Variants in DLG2 observed in about 807,000 individuals in gnomAD.
The protein encoded by DLG2 is discs large MAGUK scaffold protein 2.
A neutral mutation model predicts 132.5 loss-of-function variants in DLG2; 45 were observed. The ratio of observed to expected loss-of-function variants is 0.34; its 90% CI spans 0.27 to 0.44. The LOEUF is 0.44. Ranked by LOEUF, DLG2 falls within the 20% of genes least tolerant of loss-of-function variation. The pLI, the probability that DLG2 is intolerant of heterozygous loss-of-function variation, is 1.00. For missense variants in DLG2, 1,045 were observed against 1,196.9 expected (o/e 0.87, Z 1.87); for synonymous variants, 424 against 419.6 (o/e 1.01, Z -0.13).
chr11:84,477,054 T>G (rs1485547205), intron 7 of DLG2, among the ~76,000 whole-genome samples: 2 of 152,142 alleles, frequency 1.3e-5, no homozygotes, highest in Non-Finnish European at 2.9e-5. Flanking sequence ...CACACTAAAA[T>G]CGTGCCTGAA....
intron 7 of DLG2, among the ~76,000 whole-genome samples, chr11:84,462,763 C>G (rs2099083861): frequency 6.6e-6 from 1 of 151,086 alleles, no homozygotes; most frequent in African/African-American, 2.4e-5. Context: ...AATAACATGT[C>G]TAACTTCAGT....
intron 6 of DLG2, among the ~76,000 whole-genome samples, chr11:84,938,968 G>A (rs1309620180): frequency 6.6e-6 from 1 of 152,062 alleles, no homozygotes; most frequent in Admixed American, 6.6e-5. Flanking sequence ...ATAGTTGGAT[G>A]GAAACTTTGT....
chr11:84,130,099 T>C (rs992908178), intron 9 of DLG2, among the ~76,000 whole-genome samples: 2 of 152,026 alleles, frequency 1.3e-5, no homozygotes, highest in African/African-American at 4.8e-5. Context: ...AGATAGCACA[T>C]AGTGAATTTA....
chr11:85,493,169 G>T (rs1342655781), intron 3 of DLG2, among the ~76,000 whole-genome samples: 1 of 152,142 alleles, frequency 6.6e-6, no homozygotes, highest in East Asian at 1.9e-4. Context: ...ACCCAGGAAG[G>T]TTTATATGGT....
At chr11:84,866,449 G>A (rs1320371817) in intron 6 of DLG2, among the ~76,000 whole-genome samples, 3 of 152,206 alleles carry the variant, frequency 2.0e-5, no homozygotes, top group Non-Finnish European at 4.4e-5. Context: ...CTGAGGGAAG[G>A]CAATGACTTG....
chr11:85,315,070 G>T (rs1487379100), intron 3 of DLG2, among the ~76,000 whole-genome samples: 2 of 151,996 alleles, frequency 1.3e-5, no homozygotes, highest in Non-Finnish European at 2.9e-5. Flanking sequence ...TTTGAGGGTT[G>T]TTGGGAGGGA....
chr11:84,588,510 G>T (rs1260919373), intron 6 of DLG2, among the ~76,000 whole-genome samples: 1 of 152,064 alleles, frequency 6.6e-6, no homozygotes, highest in East Asian at 1.9e-4. Context: ...CAAGGCTCAG[G>T]ACACACTCAA....
At chr11:85,591,989 G>A (rs1027971768) in intron 3 of DLG2, among the ~76,000 whole-genome samples, 1 of 152,048 alleles carries the variant, frequency 6.6e-6, no homozygotes. Flanking sequence ...TTAATAACAA[G>A]GCTCAGCTCA....
chr11:84,707,613 G>C (rs1257085906), intron 6 of DLG2, among the ~76,000 whole-genome samples: 1 of 151,746 alleles, frequency 6.6e-6, no homozygotes, highest in Non-Finnish European at 1.5e-5. Context: ...GGCTGAAAGA[G>C]GTCAGAAGCC....
At chr11:83,651,434 T>C (rs17145887) in intron 18 of DLG2, 21,933 of 158,468 alleles carry the variant, frequency 0.14, 3,978 homozygotes, top group African/African-American at 0.42. Context: ...TGTCCATTCT[T>C]CTCATAATAA....
intron 3 of DLG2, among the ~76,000 whole-genome samples, chr11:85,304,924 C>T (rs1311305227): frequency 6.6e-6 from 1 of 152,144 alleles, no homozygotes; most frequent in Non-Finnish European, 1.5e-5. Context: ...TATTGTCTGT[C>T]TTCTCCCTAT....
chr11:84,809,936 T>G (rs1311584112), intron 6 of DLG2, among the ~76,000 whole-genome samples: 1 of 151,976 alleles, frequency 6.6e-6, no homozygotes, highest in African/African-American at 2.4e-5. Flanking sequence ...CCAATTGGCT[T>G]TTGACAAGGG....
At chr11:84,827,775 T>TA (rs927464740) in intron 6 of DLG2, among the ~76,000 whole-genome samples, 11 of 141,102 alleles carry the variant, frequency 7.8e-5, no homozygotes, top group Admixed American at 1.4e-4. Flanking sequence ...CTGGTGGTCA[T>TA]AAAAAAAAAT....
chr11:84,805,585 G>A (rs1351689663), intron 6 of DLG2, among the ~76,000 whole-genome samples: 1 of 152,082 alleles, frequency 6.6e-6, no homozygotes, highest in Admixed American at 6.6e-5. Context: ...AAGAGATCGG[G>A]TTGGTTGTTT....
chr11:84,556,646 G>A (rs1361666883), intron 6 of DLG2, among the ~76,000 whole-genome samples: 1 of 152,226 alleles, frequency 6.6e-6, no homozygotes, highest in Non-Finnish European at 1.5e-5. Flanking sequence ...GGTTGGACAA[G>A]CTGGGTTAGA....
At chr11:84,885,522 T>C (rs2088119011) in intron 6 of DLG2, among the ~76,000 whole-genome samples, 1 of 152,046 alleles carries the variant, frequency 6.6e-6, no homozygotes, top group African/African-American at 2.4e-5. Flanking sequence ...TTGTAATGTT[T>C]TATAGTATGG....
At position 84,331,185 on chromosome 11, in the gene DLG2, T is replaced by C. The variant is rs142282558; in HGVS notation, c.520-79894A>G. Among the ~76,000 whole-genome samples the C allele has an allele frequency of 5.1e-4, 77 of 152,296 alleles. 2 individuals are homozygous for C. In the East Asian group the frequency reaches 0.01, roughly 20 times the overall value. ...TCTGGCTGTGGAACAGCTTCAATCA[T>C]AGCAGCTGGAGCTACCATTTATTGA... is the stretch of plus-strand genomic sequence containing the variant. On this transcript the variant is annotated intron_variant, in intron 7 of 27. Coordinates refer to ENST00000376104, the MANE Select transcript of DLG2 (RefSeq NM_001142699.3).
rs535132573 is a variant in DLG2 at position 83,639,524 on chromosome 11, G to A, written c.1826-6199C>T. Among the ~76,000 whole-genome samples, 45 of 150,380 alleles carry A rather than the reference G, an allele frequency of 3.0e-4. 2 individuals are homozygous for A. In the South Asian group the frequency reaches 8.4e-3, roughly 28 times the overall value. On this transcript the variant is annotated intron_variant, in intron 18 of 27. Coordinates refer to ENST00000376104, the MANE Select transcript of DLG2 (RefSeq NM_001142699.3). ...TCGCAAGGACAAAAAACCAAACACC[G>A]CATGTTCTCACTCATAGGTGGGAAT... is the stretch of plus-strand genomic sequence containing the variant.
intron 6 of DLG2, among the ~76,000 whole-genome samples, chr11:84,965,273 G>A (rs186614362): frequency 3.9e-5 from 6 of 152,008 alleles, no homozygotes; most frequent in African/African-American, 9.6e-5. Flanking sequence ...CAGTGGCTGG[G>A]TTTTTGTGTG....
Sources: gnomAD v4.1 joint callset for allele counts (sites outside exome capture counted in the v4.1 genomes callset) on GRCh38, gnomAD v4.1.1 for gene constraint, MANE v1.5 for transcripts, NCBI Gene and HGNC (gene_info 2026-07-23, HGNC 2026-07-21) for gene names.